The following WWC1 variants were observed in gnomAD, a reference collection of about 807,000 sequenced individuals.
WWC1 encodes WW and C2 domain containing 1, also known as protein KIBRA.
Under a neutral mutation model 138.4 loss-of-function variants are expected in WWC1, and 55 were observed. The observed-to-expected ratio is 0.40, with a 90% CI of 0.32 to 0.50. WWC1 has a LOEUF of 0.50. Among genes scored for constraint, WWC1 ranks in the 20% least tolerant of loss-of-function variants. WWC1 has a pLI of 0.72. For missense variants in WWC1, 1,226 were observed against 1,420.4 expected, an observed-to-expected ratio of 0.86 and a Z score of 2.20; for synonymous variants, 524 against 564.9, an observed-to-expected ratio of 0.93 and a Z score of 1.03.
At chr5:168,401,270 C>T (rs1779288986) in intron 5 of WWC1, among the ~76,000 whole-genome samples, 1 of 152,138 alleles carries the variant, frequency 6.6e-6, no homozygotes, top group Admixed American at 6.5e-5. Flanking sequence ...ATGAAGGTCA[C>T]CTGGTAGCCC....
At chr5:168,379,644 C>T (rs781388136) in intron 2 of WWC1, among the ~76,000 whole-genome samples, 4 of 152,192 alleles carry the variant, frequency 2.6e-5, no homozygotes, top group Admixed American at 6.5e-5. Context: ...AAGTGATCCA[C>T]CTGCCTCGGC....
rs575879737 is a variant in WWC1, at chr5:168,407,943, G to A, written c.721-564G>A. Among the ~76,000 whole-genome samples the A allele has an allele frequency of 1.3e-3, 195 of 151,456 alleles. 2 individuals carry two copies. The highest frequency in any genetic ancestry group is 9.3e-4 in the Non-Finnish European group (63 of 67,912). On this transcript the variant is annotated intron_variant, in intron 6 of 22. Coordinates refer to ENST00000265293, the MANE Select transcript of WWC1 (RefSeq NM_015238.3). ...AGTGGCATGATCATAGCTCACTGCA[G>A]CGTCAAACTCCTGGGCTCAAGCAAT...
Position 168,428,065 on chromosome 5 carries a change from G to T in WWC1, c.1843G>T (p.Val615Leu). The part of the protein sequence containing the change: ...VNTAQGCGLK[V>L]ACVSAAVSDE... ...TACGGCCCAGGGGTGTGGCCTGAAA[G>T]TGGCCTGTGTCTCAGCCGCCGTATC... The change falls in exon 12 of 23, where the codon GTG (valine) becomes TTG (leucine). Residue 615 changes from valine (V) to leucine (L), a missense_variant. Coordinates refer to ENST00000265293, the MANE Select transcript of WWC1 (RefSeq NM_015238.3). 6.2e-7 allele frequency: 1 copy of T among 1,613,826 alleles called. No homozygotes were observed. The highest frequency in any genetic ancestry group is 1.1e-5 in the South Asian group (1 of 91,068).
At chr5:168,390,581 A>T (rs114112621) in intron 3 of WWC1, among the ~76,000 whole-genome samples, 1 of 152,232 alleles carries the variant, frequency 6.6e-6, no homozygotes, top group African/African-American at 2.4e-5. Context: ...GTGTGACCCA[A>T]GCCTCATCAT....
intron 17 of WWC1, among the ~76,000 whole-genome samples, chr5:168,451,841 G>C (rs1027246565): frequency 6.6e-6 from 1 of 150,970 alleles, no homozygotes; most frequent in African/African-American, 2.4e-5. Context: ...AGAACTCTTA[G>C]AACATTGCTC....
intron 1 of WWC1, among the ~76,000 whole-genome samples, chr5:168,350,497 G>C (rs1241239082): frequency 6.6e-6 from 1 of 152,200 alleles, no homozygotes; most frequent in East Asian, 1.9e-4. Flanking sequence ...CAGTCCAGGA[G>C]GCTATTTGGC....
chr5:168,342,325 G>T (rs1400105536), intron 1 of WWC1, among the ~76,000 whole-genome samples: 2 of 152,170 alleles, frequency 1.3e-5, no homozygotes, highest in Non-Finnish European at 2.9e-5. Context: ...ACCATGGAAG[G>T]TAGAGCTATT....
intron 16 of WWC1, among the ~76,000 whole-genome samples, chr5:168,444,222 T>C (rs1755035548): frequency 6.6e-6 from 1 of 152,248 alleles, no homozygotes; most frequent in Non-Finnish European, 1.5e-5. Context: ...CTTAATTCTC[T>C]CTCACTTCAC....
Position 168,464,883 on chromosome 5 carries a change from G to C in WWC1, c.3071G>C (p.Ser1024Thr). ...ELKEQLEQAK[S>T]HGEKELPQWL... Reference sequence around the variant, plus strand: ...AAGGAGCAGCTGGAACAAGCCAAGAGCCACGGGGAGAAGGAGCTGCCACAG... The same window carrying C: ...AAGGAGCAGCTGGAACAAGCCAAGACCCACGGGGAGAAGGAGCTGCCACAG... The change falls in exon 21 of 23, where the codon AGC becomes ACC. Residue 1024 changes from serine to threonine, a missense_variant. Ser to Thr is a moderately conservative substitution (Grantham distance 58, BLOSUM62 1). Transcript: ENST00000265293. 6.2e-7 allele frequency: 1 copy of C among 1,614,244 alleles called. No homozygotes were observed. Among genetic ancestry groups the C allele is most frequent in the South Asian group, 1.1e-5 (1 of 91,082 alleles).
At chr5:168,461,071 G>C (rs891946143) in intron 20 of WWC1, among the ~76,000 whole-genome samples, 1 of 152,198 alleles carries the variant, frequency 6.6e-6, no homozygotes, top group African/African-American at 2.4e-5. Context: ...GCTCACACCT[G>C]TAATCCCAGC....
At chr5:168,424,211 C>T (rs1781342470) in intron 11 of WWC1, 143 bp downstream of exon 11, 1 of 1,093,308 alleles carries the variant, frequency 9.1e-7, no homozygotes. Context: ...TATATTTATT[C>T]AGTGGATGTT....
chr5:168,433,360 A>C (rs1202536504), intron 15 of WWC1, among the ~76,000 whole-genome samples: 1 of 152,232 alleles, frequency 6.6e-6, no homozygotes, highest in Non-Finnish European at 1.5e-5. Context: ...GGGTAGCAAG[A>C]ATGTAGAGCA....
intron 1 of WWC1, among the ~76,000 whole-genome samples, chr5:168,353,231 T>A (rs1303059750): frequency 6.6e-6 from 1 of 152,010 alleles, no homozygotes; most frequent in Non-Finnish European, 1.5e-5. Flanking sequence ...CCACCCCACA[T>A]TCCCTAAGAG....
chr5:168,340,375 A>G (rs1055284071), intron 1 of WWC1, among the ~76,000 whole-genome samples: 37 of 152,192 alleles, frequency 2.4e-4, no homozygotes, highest in African/African-American at 6.5e-4. Flanking sequence ...AAAGCTTACA[A>G]TTAAGTGGCT....
At chr5:168,363,028 G>T (rs1282833477) in intron 1 of WWC1, among the ~76,000 whole-genome samples, 1 of 152,130 alleles carries the variant, frequency 6.6e-6, no homozygotes, top group Non-Finnish European at 1.5e-5. Flanking sequence ...AACAGAGTAG[G>T]GAAACAAGGA....
chr5:168,431,545 T>G, intron 15 of WWC1, 101 bp downstream of exon 15: 1 of 1,338,148 alleles, frequency 7.5e-7, no homozygotes, highest in Non-Finnish European at 1.0e-6. Context: ...TACCCTGAGC[T>G]TCAGGAAGAA....
chr5:168,422,330 G>C (rs537606059), intron 10 of WWC1, among the ~76,000 whole-genome samples: 1 of 152,314 alleles, frequency 6.6e-6, no homozygotes, highest in East Asian at 1.9e-4. Context: ...CAGGTAATAG[G>C]TAGTCTTAAG....
At chr5:168,435,976 G>T (rs916437091) in intron 15 of WWC1, among the ~76,000 whole-genome samples, 1 of 152,082 alleles carries the variant, frequency 6.6e-6, no homozygotes, top group Admixed American at 6.5e-5. Context: ...CCAAGTAGCT[G>T]GGACTATAGG....
chr5:168,334,709 A>G (rs980105794), intron 1 of WWC1, among the ~76,000 whole-genome samples: 1 of 152,244 alleles, frequency 6.6e-6, no homozygotes, highest in Admixed American at 6.5e-5. Flanking sequence ...GCCTGGCTCT[A>G]GTGAGTTCTG....
Sources: gnomAD v4.1 joint callset for allele counts (sites outside exome capture counted in the v4.1 genomes callset) on GRCh38, gnomAD v4.1.1 for gene constraint, MANE v1.5 for transcripts, NCBI Gene and HGNC (gene_info 2026-07-23, HGNC 2026-07-21) for gene names.